ASXL3: variants seen among roughly 807,000 people sequenced by gnomAD.
ASXL3 encodes putative Polycomb group protein ASXL3.
Under a neutral mutation model 170.6 loss-of-function variants are expected in ASXL3, and 34 were observed. That is an observed-to-expected ratio of 0.20 (90% CI 0.15 to 0.27). The LOEUF is 0.27. ASXL3 is among the 10% of genes least tolerant of loss of function. The probability of loss-of-function intolerance (pLI) is 1.00; values close to 1 mark genes in which losing one functional copy is unlikely to be tolerated. For synonymous variants in ASXL3, 1,002 were observed against 989.1 expected (o/e 1.01, Z -0.24); for missense variants, 2,592 against 2,695.3 (o/e 0.96, Z 0.85).
chr18:33,590,109 A>ATTTTTTTTTTTTT (rs2065064334), intron 1 of ASXL3, among the ~76,000 whole-genome samples: 1 of 90,524 alleles, frequency 1.1e-5, no homozygotes, highest in African/African-American at 8.6e-5. Context: ...TTTGCTTTCT[A>ATTTTTTTTTTTTT]TGTTTTTTTT....
intron 1 of ASXL3, among the ~76,000 whole-genome samples, chr18:33,599,326 A>C (rs762814599): frequency 4.9e-4 from 75 of 152,184 alleles, no homozygotes; most frequent in Non-Finnish European, 9.1e-4. Context: ...TTCATAAGTG[A>C]TGGACACTTA....
chr18:33,703,846 G>A (rs910075125), intron 8 of ASXL3, among the ~76,000 whole-genome samples: 2 of 151,894 alleles, frequency 1.3e-5, no homozygotes, highest in Non-Finnish European at 2.9e-5. Context: ...ATGCTCTTAG[G>A]GCAAATTCCA....
intron 8 of ASXL3, among the ~76,000 whole-genome samples, chr18:33,728,207 T>G (rs2067380510): frequency 6.6e-6 from 1 of 152,216 alleles, no homozygotes; most frequent in African/African-American, 2.4e-5. Flanking sequence ...ATTTACCATC[T>G]GCAAGATGCT....
At chr18:33,608,189 T>C (rs932376985) in intron 2 of ASXL3, among the ~76,000 whole-genome samples, 9 of 151,952 alleles carry the variant, frequency 5.9e-5, no homozygotes, top group African/African-American at 2.2e-4. Flanking sequence ...GGTTATGTTA[T>C]ATTCACAAAG....
chr18:33,712,476 ATC>A (rs1448845686), intron 8 of ASXL3, among the ~76,000 whole-genome samples: 1 of 152,174 alleles, frequency 6.6e-6, no homozygotes, highest in Non-Finnish European at 1.5e-5. Context: ...CAGTCATTTA[ATC>A]TCTTTTGTAT....
chr18:33,631,264 G>A (rs1427075458), intron 2 of ASXL3, among the ~76,000 whole-genome samples: 1 of 151,998 alleles, frequency 6.6e-6, no homozygotes, highest in East Asian at 1.9e-4. Flanking sequence ...GAGCTCTAAC[G>A]CATAAAACTA....
intron 2 of ASXL3, among the ~76,000 whole-genome samples, chr18:33,637,703 G>A (rs942438816): frequency 6.6e-6 from 1 of 152,098 alleles, no homozygotes; most frequent in Non-Finnish European, 1.5e-5. Flanking sequence ...GGAGAAATAG[G>A]CTAAAAGTCC....
In ASXL3 at chr18:33,607,594, GCA is replaced by G; in HGVS notation, c.57_58del (p.Leu20ArgfsTer41). 1 of 1,578,526 alleles carries G rather than the reference GCA, an allele frequency of 6.3e-7. No homozygotes were observed. The highest frequency in any genetic ancestry group is 8.6e-7 in the Non-Finnish European group (1 of 1,160,384). ...DRTWAEAARL[A>X]LEKHPNSPMT... ...TAGGAATCTTATGTTTATATTTTAG[GCA>G]CTAGAAAAACACCCCAACTCACCAA... On this transcript the variant is annotated frameshift_variant and splice_region_variant, in exon 2 of 12. Transcript: ENST00000269197. LOFTEE classifies it high-confidence loss of function.
chr18:33,672,356 G>GT (rs1455668884), intron 7 of ASXL3, among the ~76,000 whole-genome samples: 22 of 152,236 alleles, frequency 1.4e-4, no homozygotes, highest in African/African-American at 5.1e-4. Context: ...CTGAAAAAAT[G>GT]TAAAATTGCT....
At chr18:33,689,292 C>T (rs2066650465) in intron 8 of ASXL3, among the ~76,000 whole-genome samples, 1 of 152,170 alleles carries the variant, frequency 6.6e-6, no homozygotes, top group African/African-American at 2.4e-5. Context: ...CCGCGCTCAG[C>T]CAAAAGGTGT....
chr18:33,625,324 A>T lies in ASXL3; in HGVS notation c.137+17648A>T, dbSNP rs186627060. On this transcript the variant is annotated intron_variant, in intron 2 of 11. Coordinates refer to ENST00000269197, the MANE Select transcript of ASXL3 (RefSeq NM_030632.3). ...TATATTACTTAGACATCTTTAGCCAATATTTGTATAAGGAATGGTTTGAGA... is the reference window on the plus strand; with the variant it reads ...TATATTACTTAGACATCTTTAGCCATTATTTGTATAAGGAATGGTTTGAGA... Among the ~76,000 whole-genome samples, 1,181 of 152,250 alleles carry T rather than the reference A, an allele frequency of 7.8e-3. 9 individuals are homozygous for T. Among genetic ancestry groups the T allele is most frequent in the South Asian group, 0.028 (135 of 4,820 alleles).
At chr18:33,680,273 A>C (rs946528799) in intron 7 of ASXL3, among the ~76,000 whole-genome samples, 1 of 152,062 alleles carries the variant, frequency 6.6e-6, no homozygotes, top group African/African-American at 2.4e-5. Context: ...AGGGTATTAG[A>C]TAATTGATAC....
chr18:33,707,768 T>G (rs2066987078), intron 8 of ASXL3, among the ~76,000 whole-genome samples: 1 of 152,062 alleles, frequency 6.6e-6, no homozygotes, highest in South Asian at 2.1e-4. Context: ...AAGATTTTAT[T>G]ATTTCATCTT....
At chr18:33,611,931 G>A (rs752114056) in intron 2 of ASXL3, among the ~76,000 whole-genome samples, 12 of 151,930 alleles carry the variant, frequency 7.9e-5, no homozygotes, top group African/African-American at 2.7e-4. Context: ...TTTTTAAAGT[G>A]GTGCTTCCAA....
chr18:33,739,507 A>T lies in ASXL3; in HGVS notation c.2103A>T (p.Thr701=). Residue 701 remains threonine (T), a synonymous_variant, in exon 11 of 12, where the codon ACA becomes ACT. Coordinates refer to ENST00000269197, the MANE Select transcript of ASXL3 (RefSeq NM_030632.3). Reference sequence around the variant, plus strand: ...CTCTTATGTCCAACTTACCATTAACATCTGAAGCATCACCAGTATCCAACT... The same window carrying T: ...CTCTTATGTCCAACTTACCATTAACTTCTGAAGCATCACCAGTATCCAACT... The part of the protein sequence containing the change: ...EASLMSNLPL[T]SEASPVSNLP... The T allele has an allele frequency of 6.2e-7, 1 of 1,613,940 alleles. No homozygotes were observed.
chr18:33,593,099 A>T (rs2065092334), intron 1 of ASXL3, among the ~76,000 whole-genome samples: 1 of 152,128 alleles, frequency 6.6e-6, no homozygotes, highest in Non-Finnish European at 1.5e-5. Flanking sequence ...GGGCACCTGG[A>T]CATTTTAAAT....
At chr18:33,642,170 A>G (rs997005848) in intron 2 of ASXL3, among the ~76,000 whole-genome samples, 5 of 151,964 alleles carry the variant, frequency 3.3e-5, no homozygotes, top group African/African-American at 7.2e-5. Context: ...ATAAAATTAC[A>G]TAAGACTTAT....
At position 33,689,207 on chromosome 18, in the gene ASXL3, T is replaced by A. The variant is rs535379517; in HGVS notation, c.879+5639T>A. ...TGGGGTTTCGCCATGTTGGCCAGAC[T>A]AGTTTTGAACTCCTGACCTCAGGTG... On this transcript the variant is annotated intron_variant, in intron 8 of 11. Coordinates refer to ENST00000269197, the MANE Select transcript of ASXL3 (RefSeq NM_030632.3). Among the ~76,000 whole-genome samples, 154 of 152,292 alleles carry A rather than the reference T, an allele frequency of 1.0e-3. 1 individual carries two copies. Among genetic ancestry groups the A allele is most frequent in the Non-Finnish European group, 1.7e-3 (115 of 68,014 alleles).
At chr18:33,729,807 G>A (rs1432952246) in intron 8 of ASXL3, among the ~76,000 whole-genome samples, 3 of 151,980 alleles carry the variant, frequency 2.0e-5, no homozygotes, top group Non-Finnish European at 4.4e-5. Context: ...CGCCATCCCT[G>A]AGGAGTTTGA....
Sources: allele counts gnomAD v4.1 joint callset (sites outside exome capture counted in the v4.1 genomes callset), GRCh38; gene constraint gnomAD v4.1.1; transcripts MANE v1.5; gene names NCBI Gene and HGNC (gene_info 2026-07-23, HGNC 2026-07-21).